SLC2A10: variants seen among roughly 807,000 people sequenced by gnomAD.
The protein encoded by SLC2A10 is solute carrier family 2 member 10, also known as solute carrier family 2, facilitated glucose transporter member 10.
SLC2A10 carries 25 observed loss-of-function variants against 32.1 expected under a neutral mutation model. The ratio of observed to expected loss-of-function variants is 0.78; its 90% CI spans 0.57 to 1.09. The LOEUF (loss-of-function observed/expected upper bound fraction) is 1.09, where lower values mean the gene tolerates loss of function less well. Among genes scored for constraint, SLC2A10 ranks in the 50% least tolerant of loss-of-function variants. SLC2A10 has a pLI of 0.00. For synonymous variants in SLC2A10, 332 were observed against 309.6 expected (o/e 1.07, Z -0.76); for missense variants, 673 against 686.5 (o/e 0.98, Z 0.22).
At chr20:46,709,973 C>T (rs1055620074) in intron 1 of SLC2A10, 2 of 553,252 alleles carry the variant, frequency 3.6e-6, no homozygotes, top group East Asian at 6.8e-5. Context: ...TGGCCCCTCA[C>T]TTGCTGCAGC....
At chr20:46,712,651 C>CTTTTTTTTTTTTTTTTTTTTTTTTT (rs11477202) in intron 1 of SLC2A10, among the ~76,000 whole-genome samples, 1 of 94,424 alleles carries the variant, frequency 1.1e-5, no homozygotes, top group Admixed American at 1.4e-4. Context: ...TTCTTTCTTT[C>CTTTTTTTTTTTTTTTTTTTTTTTTT]TTTTTTTTTT....
intron 1 of SLC2A10, among the ~76,000 whole-genome samples, chr20:46,719,586 G>A (rs898455883): frequency 2.6e-5 from 4 of 152,106 alleles, no homozygotes; most frequent in African/African-American, 9.7e-5. Context: ...GAAACAGTAT[G>A]GGGGAACCAC....
rs776700297 is a variant in SLC2A10 at position 46,726,243 on chromosome 20, C to G, written c.1207C>G (p.Arg403Gly). ...SALPGPPLPA[R>G]GHALLRWTAL... Reference sequence around the variant, plus strand: ...CCTCCCTGGGCCCCCTCTGCCCGCTCGGGGGCATGCACTGCTGCGCTGGAC... The same window carrying G: ...CCTCCCTGGGCCCCCTCTGCCCGCTGGGGGGCATGCACTGCTGCGCTGGAC... The change falls in exon 2 of 5, where the codon CGG becomes GGG. Residue 403 changes from arginine (R) to glycine (G), a missense_variant. Coordinates refer to ENST00000359271, the MANE Select transcript of SLC2A10 (RefSeq NM_030777.4). The G allele has an allele frequency of 2.5e-6, 4 of 1,613,722 alleles. 1 individual carries two copies. In the South Asian group the frequency reaches 4.4e-5, roughly 18 times the overall value.
At chr20:46,731,849 G>A (rs1980317115) in intron 4 of SLC2A10, among the ~76,000 whole-genome samples, 1 of 152,136 alleles carries the variant, frequency 6.6e-6, no homozygotes. Context: ...AGTCTTTTCA[G>A]CAGCAACTAT....
intron 1 of SLC2A10, among the ~76,000 whole-genome samples, chr20:46,715,903 C>T (rs552666073): frequency 6.6e-6 from 1 of 152,208 alleles, no homozygotes; most frequent in East Asian, 1.9e-4. Flanking sequence ...ACGATCATAG[C>T]TCACTGTAAC....
intron 4 of SLC2A10, among the ~76,000 whole-genome samples, chr20:46,730,325 T>C (rs986631852): frequency 2.0e-5 from 3 of 152,058 alleles, no homozygotes; most frequent in Non-Finnish European, 4.4e-5. Flanking sequence ...AGCCAACAAA[T>C]GCATAAACAA....
intron 1 of SLC2A10, among the ~76,000 whole-genome samples, chr20:46,719,282 TGGAGTCAGCGTCTTCTTC>T (rs1979425547): frequency 2.0e-5 from 3 of 152,150 alleles, no homozygotes; most frequent in African/African-American, 4.8e-5. Flanking sequence ...AAGAGTGAAA[TGGAGTCAGCGTCTTCTTC>T]CTCTTATTCT....
At chr20:46,731,910 G>A (rs113109694) in intron 4 of SLC2A10, among the ~76,000 whole-genome samples, 1,948 of 152,294 alleles carry the variant, frequency 0.013, 35 homozygotes, top group African/African-American at 0.042. Context: ...GAGAAAGTCT[G>A]ATTGGCCAAG....
chr20:46,723,932 G>T (rs1979696690), intron 1 of SLC2A10, among the ~76,000 whole-genome samples: 1 of 152,208 alleles, frequency 6.6e-6, no homozygotes, highest in Non-Finnish European at 1.5e-5. Context: ...TCTTAAAACA[G>T]ATTCTGGCAT....
At chr20:46,718,278 C>T (rs142186539) in intron 1 of SLC2A10, among the ~76,000 whole-genome samples, 352 of 151,888 alleles carry the variant, frequency 2.3e-3, no homozygotes, top group African/African-American at 7.4e-3. Flanking sequence ...GTTCTTATGG[C>T]GCCTTCATTA....
rs78864327 is a variant in SLC2A10, at chr20:46,733,866, T to C, written c.*32T>C. 1.3e-3 allele frequency: 2,149 copies of C among 1,604,908 alleles called. 30 individuals carry two copies. In the African/African-American group the frequency reaches 0.025, roughly 19 times the overall value. On this transcript the variant is annotated 3_prime_UTR_variant, in exon 5 of 5. Coordinates refer to ENST00000359271, the MANE Select transcript of SLC2A10 (RefSeq NM_030777.4). ...CGTCTGCCTGGAAATTCTGGAACTG[T>C]GGCTTTGGCAGACCATCTCCAGCAT...
At chr20:46,729,624 AGTTTTTTT>A in intron 4 of SLC2A10, 136 bp downstream of exon 4, 1 of 372,658 alleles carries the variant, frequency 2.7e-6, no homozygotes, top group African/African-American at 3.7e-5. Flanking sequence ...GGGCACTATG[AGTTTTTTT>A]TTTTTTTTTT....
chr20:46,731,335 C>T (rs1433578529), intron 4 of SLC2A10, among the ~76,000 whole-genome samples: 1 of 152,184 alleles, frequency 6.6e-6, no homozygotes, highest in African/African-American at 2.4e-5. Context: ...CATGACTTTC[C>T]ATAGAACTTG....
At chr20:46,724,928 T>C (rs1979787127) in intron 1 of SLC2A10, 113 bp from the exon 2 acceptor site, 1 of 1,373,604 alleles carries the variant, frequency 7.3e-7, no homozygotes, top group East Asian at 2.4e-5. Flanking sequence ...GTTGAATAGA[T>C]GGAGTAGATG....
At chr20:46,708,694 G>GA (rs1323139396), upstream of SLC2A10, among the ~76,000 whole-genome samples, 1 of 152,200 alleles carries the variant, frequency 6.6e-6, no homozygotes, top group Non-Finnish European at 1.5e-5. Context: ...TAACCAGTTA[G>GA]AACTCCCCAG....
At chr20:46,712,417 C>T (rs140324809) in intron 1 of SLC2A10, among the ~76,000 whole-genome samples, 228 of 152,184 alleles carry the variant, frequency 1.5e-3, no homozygotes, top group East Asian at 2.9e-3. Flanking sequence ...GGTTCTCCCC[C>T]CTCCCCCTGC....
At chr20:46,716,601 T>C (rs1247972714) in intron 1 of SLC2A10, among the ~76,000 whole-genome samples, 1 of 152,316 alleles carries the variant, frequency 6.6e-6, no homozygotes. Flanking sequence ...TCCAGAAATA[T>C]ATAAATTTAA....
chr20:46,724,006 C>T (rs964032972), intron 1 of SLC2A10, among the ~76,000 whole-genome samples: 8 of 152,202 alleles, frequency 5.3e-5, no homozygotes, highest in African/African-American at 9.7e-5. Flanking sequence ...CAAGAACTGT[C>T]CTACCTCAGG....
At chr20:46,731,537 CA>C (rs1980298620) in intron 4 of SLC2A10, among the ~76,000 whole-genome samples, 1 of 152,160 alleles carries the variant, frequency 6.6e-6, no homozygotes, top group Non-Finnish European at 1.5e-5. Flanking sequence ...TGGTGGGAGC[CA>C]GCTTTGGGGT....
Sources: gnomAD v4.1 joint callset for allele counts (sites outside exome capture counted in the v4.1 genomes callset) on GRCh38, gnomAD v4.1.1 for gene constraint, MANE v1.5 for transcripts, NCBI Gene and HGNC (gene_info 2026-07-23, HGNC 2026-07-21) for gene names.